KIAA1958: variants seen among roughly 807,000 people sequenced by gnomAD.
KIAA1958 encodes KIAA1958, also known as uncharacterized protein KIAA1958.
Under a neutral mutation model 47.2 loss-of-function variants are expected in KIAA1958, and 14 were observed. That is an observed-to-expected ratio of 0.30 (90% confidence interval 0.20 to 0.46). The LOEUF (loss-of-function observed/expected upper bound fraction) is 0.46. KIAA1958 is among the 20% of genes least tolerant of loss of function. The pLI, the probability that KIAA1958 is intolerant of heterozygous loss-of-function variation, is 1.00. For synonymous variants in KIAA1958, 354 were observed against 353.3 expected (o/e 1.00, Z -0.02); for missense variants, 803 against 909.2 (o/e 0.88, Z 1.50).
intron 1 of KIAA1958, among the ~76,000 whole-genome samples, chr9:112,503,054 A>C (rs1834171235): frequency 6.6e-6 from 1 of 152,228 alleles, no homozygotes; most frequent in Admixed American, 6.5e-5. Context: ...ATAGAGCTTA[A>C]ATTTTAGTAG....
At chr9:112,539,462 G>A (rs1834904789) in intron 1 of KIAA1958, among the ~76,000 whole-genome samples, 1 of 152,100 alleles carries the variant, frequency 6.6e-6, no homozygotes, top group Non-Finnish European at 1.5e-5. Context: ...CATGAAATGG[G>A]TAGCATAGAC....
intron 3 of KIAA1958, among the ~76,000 whole-genome samples, chr9:112,649,253 G>A (rs191893441): frequency 6.6e-6 from 1 of 151,990 alleles, no homozygotes; most frequent in Non-Finnish European, 1.5e-5. Context: ...AATCTCCTGG[G>A]CTCAAGTGGT....
intron 2 of KIAA1958, among the ~76,000 whole-genome samples, chr9:112,599,717 A>C (rs1160698822): frequency 6.6e-6 from 1 of 152,240 alleles, no homozygotes; most frequent in African/African-American, 2.4e-5. Flanking sequence ...TAACTCAAGG[A>C]AAGTGAGAGT....
At chr9:112,658,541 A>G (rs943454321) in intron 3 of KIAA1958, among the ~76,000 whole-genome samples, 1 of 152,352 alleles carries the variant, frequency 6.6e-6, no homozygotes, top group East Asian at 1.9e-4. Context: ...ATTTGCAGAC[A>G]CACATGTATA....
intron 2 of KIAA1958, among the ~76,000 whole-genome samples, chr9:112,581,569 G>T (rs2131181174): frequency 6.6e-6 from 1 of 152,272 alleles, no homozygotes; most frequent in Middle Eastern, 3.4e-3. Flanking sequence ...CCAGATCTGG[G>T]TGCAGGAGCG....
At chr9:112,539,906 G>T (rs1453951790) in intron 1 of KIAA1958, among the ~76,000 whole-genome samples, 2 of 152,040 alleles carry the variant, frequency 1.3e-5, no homozygotes, top group East Asian at 1.9e-4. Context: ...GGCCAGGTTG[G>T]TCTTGAACTC....
intron 1 of KIAA1958, among the ~76,000 whole-genome samples, chr9:112,505,045 C>T (rs1490019385): frequency 6.6e-6 from 1 of 152,184 alleles, no homozygotes; most frequent in Non-Finnish European, 1.5e-5. Flanking sequence ...CCTTGGTCCC[C>T]TCACTCAACT....
chr9:112,645,582 C>G, intron 2 of KIAA1958, 68 bp from the exon 3 acceptor site: 1 of 1,051,450 alleles, frequency 9.5e-7, no homozygotes, highest in Non-Finnish European at 1.4e-6. Flanking sequence ...ATTTATCATC[C>G]CAAGATGTAA....
intron 1 of KIAA1958, among the ~76,000 whole-genome samples, chr9:112,523,011 T>TA (rs1340764720): frequency 1.3e-5 from 2 of 152,164 alleles, no homozygotes; most frequent in African/African-American, 4.8e-5. Context: ...ATTATCAAGA[T>TA]ACAGGGCTAT....
intron 1 of KIAA1958, among the ~76,000 whole-genome samples, chr9:112,569,200 A>G (rs1388828440): frequency 6.6e-6 from 1 of 152,150 alleles, no homozygotes; most frequent in African/African-American, 2.4e-5. Context: ...ATACAACAAC[A>G]TGAGCATTGC....
intron 1 of KIAA1958, among the ~76,000 whole-genome samples, chr9:112,541,388 G>A (rs1225451151): frequency 1.3e-5 from 2 of 152,036 alleles, no homozygotes; most frequent in Non-Finnish European, 2.9e-5. Flanking sequence ...ATCCTAAAAT[G>A]TAGAGCAAAA....
chr9:112,650,480 G>A (rs1837039246), intron 3 of KIAA1958, among the ~76,000 whole-genome samples: 1 of 152,038 alleles, frequency 6.6e-6, no homozygotes, highest in African/African-American at 2.4e-5. Flanking sequence ...TTTGCGGAGT[G>A]GTATAGTATT....
intron 2 of KIAA1958, among the ~76,000 whole-genome samples, chr9:112,634,206 T>C (rs1836759661): frequency 6.6e-6 from 1 of 152,194 alleles, no homozygotes; most frequent in Admixed American, 6.5e-5. Flanking sequence ...GGAATATTAA[T>C]ATTTCTATGC....
In KIAA1958 at chr9:112,659,732, G is replaced by A. The variant is rs1343927904; in HGVS notation, c.1814G>A (p.Ser605Asn). 1 of 1,614,074 alleles carries A rather than the reference G, an allele frequency of 6.2e-7. No individual in the cohort carries two copies. Among genetic ancestry groups the A allele is most frequent in the Non-Finnish European group, 8.5e-7 (1 of 1,180,052 alleles). The change falls in exon 4 of 4, where the codon AGT becomes AAT. Residue 605 changes from serine to asparagine, a missense_variant. By Grantham distance (46) the Ser-to-Asn change is conservative. Coordinates refer to ENST00000337530, the MANE Select transcript of KIAA1958 (RefSeq NM_133465.4). ...FARTDSVKRE[S>N]RSGSTRVCHG... ...CGGACGGACAGCGTCAAGCGGGAGA[G>A]TCGGAGCGGCTCCACCAGAGTGTGT...
At chr9:112,635,735 CAT>C (rs1836794744) in intron 2 of KIAA1958, among the ~76,000 whole-genome samples, 1 of 152,078 alleles carries the variant, frequency 6.6e-6, no homozygotes, top group South Asian at 2.1e-4. Context: ...TGATAATTAA[CAT>C]GTTTTTCATT....
At chr9:112,527,485 C>A (rs7874826) in intron 1 of KIAA1958, among the ~76,000 whole-genome samples, 1 of 152,200 alleles carries the variant, frequency 6.6e-6, no homozygotes, top group South Asian at 2.1e-4. Flanking sequence ...ATTGTTTTGT[C>A]TTTTGGAGAC....
intron 1 of KIAA1958, among the ~76,000 whole-genome samples, chr9:112,496,198 C>A (rs1366287384): frequency 6.6e-6 from 1 of 152,162 alleles, no homozygotes; most frequent in African/African-American, 2.4e-5. Context: ...ATAAATACAT[C>A]ATGGTATATT....
At chr9:112,589,092 T>C (rs1203150184) in intron 2 of KIAA1958, among the ~76,000 whole-genome samples, 1 of 152,192 alleles carries the variant, frequency 6.6e-6, no homozygotes, top group Admixed American at 6.5e-5. Flanking sequence ...CTAATATGAT[T>C]GAAAGAGATC....
At chr9:112,500,237 A>C (rs1383230322) in intron 1 of KIAA1958, among the ~76,000 whole-genome samples, 2 of 151,936 alleles carry the variant, frequency 1.3e-5, no homozygotes, top group Non-Finnish European at 2.9e-5. Flanking sequence ...AGTAGCTGGG[A>C]TTACAGGTGT....
Sources: allele counts gnomAD v4.1 joint callset (sites outside exome capture counted in the v4.1 genomes callset), GRCh38; gene constraint gnomAD v4.1.1; transcripts MANE v1.5; gene names NCBI Gene and HGNC (gene_info 2026-07-23, HGNC 2026-07-21).